Variants in AFG2B observed in about 807,000 individuals in gnomAD.
AFG2B encodes AAA ATPase AFG2B.
At chr15:45,402,461 G>T in the AFG2B span, 1 of 1,607,962 alleles carries the variant, frequency 6.2e-7, no homozygotes. Flanking sequence ...TTCCCTGAAG[G>T]GCCGCTCTTA....
the AFG2B span, among the ~76,000 whole-genome samples, chr15:45,413,909 C>A: frequency 2.3e-3 from 351 of 152,190 alleles, 2 homozygotes; most frequent in African/African-American, 8.3e-3. Flanking sequence ...TGGTTAAAAA[C>A]CATTTACCTT....
chr15:45,411,878 C>T, the AFG2B span, among the ~76,000 whole-genome samples: 1 of 151,750 alleles, frequency 6.6e-6, no homozygotes, highest in African/African-American at 2.4e-5. Context: ...AGGCAGATCA[C>T]CTGAGGTCAG....
the AFG2B span, chr15:45,402,626 A>G: frequency 6.3e-7 from 1 of 1,576,414 alleles, no homozygotes; most frequent in Admixed American, 1.8e-5. Flanking sequence ...CCTCGGCGGG[A>G]CGGAGCGGAC....
At chr15:45,419,990 C>CA in the AFG2B span, among the ~76,000 whole-genome samples, 3 of 98,588 alleles carry the variant, frequency 3.0e-5, no homozygotes, top group Non-Finnish European at 5.6e-5. Flanking sequence ...ACTCTGTCCC[C>CA]CCCCCCCAAA....
the AFG2B span, chr15:45,403,006 G>A: frequency 2.5e-6 from 4 of 1,588,420 alleles, no homozygotes; most frequent in Non-Finnish European, 3.4e-6. Context: ...GCCTCCGTCG[G>A]AAGCCCAGCC....
At chr15:45,415,514 A>C in the AFG2B span, 1 of 1,253,876 alleles carries the variant, frequency 8.0e-7, no homozygotes, top group Non-Finnish European at 1.1e-6. Context: ...AAAAAAAAAC[A>C]GGATTATAAA....
chr15:45,415,809 G>T, the AFG2B span: 1 of 1,604,112 alleles, frequency 6.2e-7, no homozygotes, highest in Non-Finnish European at 8.5e-7. Context: ...AAAATGAAGA[G>T]GTATTTATTA....
At chr15:45,413,408 A>G in the AFG2B span, among the ~76,000 whole-genome samples, 2 of 152,202 alleles carry the variant, frequency 1.3e-5, no homozygotes, top group African/African-American at 4.8e-5. Flanking sequence ...AAGTTCAGCT[A>G]GTCAGCTCTG....
At chr15:45,415,677 G>A in the AFG2B span, 2 of 1,614,094 alleles carry the variant, frequency 1.2e-6, no homozygotes, top group Non-Finnish European at 1.7e-6. Flanking sequence ...CAGCAAGACA[G>A]GATGTGATGT....
chr15:45,402,749 T>G, the AFG2B span: 12 of 1,572,706 alleles, frequency 7.6e-6, no homozygotes, highest in Non-Finnish European at 9.4e-6. Context: ...TGTCCGCCCC[T>G]GCGGCGCGTC....
chr15:45,420,434 G>A, the AFG2B span, among the ~76,000 whole-genome samples: 7 of 152,046 alleles, frequency 4.6e-5, no homozygotes, highest in African/African-American at 1.4e-4. Flanking sequence ...CCTACTTAAC[G>A]ATCAGGAAGA....
chr15:45,417,290 G>A, the AFG2B span: 1,014 of 1,613,738 alleles, frequency 6.3e-4, 5 homozygotes, highest in African/African-American at 0.012. Context: ...GTTTTTAACC[G>A]AAGTGTCATG....
chr15:45,418,929 T>C, the AFG2B span, among the ~76,000 whole-genome samples: 1 of 152,174 alleles, frequency 6.6e-6, no homozygotes, highest in Non-Finnish European at 1.5e-5. Flanking sequence ...TAGAGGGTAC[T>C]GTGGGAGCAC....
chr15:45,410,380 C>T, the AFG2B span: 1 of 1,613,292 alleles, frequency 6.2e-7, no homozygotes, highest in South Asian at 1.1e-5. Flanking sequence ...AGAACCAGGA[C>T]AATCCTGTGA....
the AFG2B span, chr15:45,417,465 T>G: frequency 3.8e-6 from 6 of 1,562,898 alleles, no homozygotes; most frequent in South Asian, 7.0e-5. Context: ...GATATAGGTG[T>G]CCATGGTGTT....
chr15:45,409,374 CAAAA>C, the AFG2B span, among the ~76,000 whole-genome samples: 6 of 83,592 alleles, frequency 7.2e-5, no homozygotes, highest in Admixed American at 1.2e-4. Context: ...GAGACCCCGC[CAAAA>C]AAAAAAAAAA....
At chr15:45,414,847 CTTTTTAAAAATATTACTAGTGT>C in the AFG2B span, 1 of 1,391,844 alleles carries the variant, frequency 7.2e-7, no homozygotes, top group Non-Finnish European at 9.9e-7. Context: ...ATGGACAAAC[CTTTTTAAAAATATTACTAGTGT>C]TTTTTCCAGT....
At chr15:45,418,221 G>A in the AFG2B span, among the ~76,000 whole-genome samples, 131 of 151,894 alleles carry the variant, frequency 8.6e-4, no homozygotes, top group African/African-American at 2.9e-3. Flanking sequence ...GCAGGCGCCT[G>A]TAATCCCAGC....
At chr15:45,412,962 A>G in the AFG2B span, among the ~76,000 whole-genome samples, 1 of 152,250 alleles carries the variant, frequency 6.6e-6, no homozygotes, top group African/African-American at 2.4e-5. Flanking sequence ...AGTAATAATT[A>G]TAATTTATTC....
Sources: gnomAD v4.1 joint callset for allele counts (sites outside exome capture counted in the v4.1 genomes callset) on GRCh38, gnomAD v4.1.1 for gene constraint, MANE v1.5 for transcripts, NCBI Gene and HGNC (gene_info 2026-07-23, HGNC 2026-07-21) for gene names.